Variants in TTC28 observed in about 807,000 individuals in gnomAD.
TTC28 encodes the protein tetratricopeptide repeat protein 28.
In TTC28, 61 loss-of-function variants were observed where a neutral mutation model predicts 198.0. The observed-to-expected ratio is 0.31, with a 90% CI of 0.25 to 0.38. TTC28 has a LOEUF of 0.38. TTC28 is among the 10% of genes least tolerant of loss of function. TTC28 has a pLI of 1.00. For synonymous variants in TTC28, 1,171 were observed against 1,297.8 expected (o/e 0.90, Z 2.10); for missense variants, 2,678 against 3,164.0 (o/e 0.85, Z 3.69).
At chr22:28,111,302 G>A (rs536580684) in intron 6 of TTC28, among the ~76,000 whole-genome samples, 1 of 152,216 alleles carries the variant, frequency 6.6e-6, no homozygotes, top group Admixed American at 6.5e-5. Flanking sequence ...CAGGATCCTT[G>A]CTGGAAGGAT....
At chr22:28,422,201 T>C (rs1481804743) in intron 2 of TTC28, among the ~76,000 whole-genome samples, 1 of 152,156 alleles carries the variant, frequency 6.6e-6, no homozygotes, top group African/African-American at 2.4e-5. Flanking sequence ...TTCAAAAACA[T>C]GGAAAGAAGG....
At chr22:28,663,453 G>A (rs1342376745) in intron 1 of TTC28, among the ~76,000 whole-genome samples, 1 of 145,414 alleles carries the variant, frequency 6.9e-6, no homozygotes, top group Non-Finnish European at 1.5e-5. Flanking sequence ...CCGTGCGCGA[G>A]CCGAAGCAGG....
At chr22:28,006,174 G>A (rs536113695) in intron 14 of TTC28, among the ~76,000 whole-genome samples, 270 of 152,266 alleles carry the variant, frequency 1.8e-3, no homozygotes, top group Non-Finnish European at 3.2e-3. Context: ...GATGGGAGGC[G>A]AGGGGTGAAA....
chr22:28,154,302 C>T (rs969761164), intron 6 of TTC28, among the ~76,000 whole-genome samples: 3 of 149,942 alleles, frequency 2.0e-5, no homozygotes, highest in Non-Finnish European at 3.0e-5. Context: ...TTGTTTTGAA[C>T]ATAAAAGAAA....
chr22:28,108,478 T>C (rs1942390598), intron 6 of TTC28, 75 bp from the exon 7 acceptor site: 1 of 1,275,054 alleles, frequency 7.8e-7, no homozygotes, highest in Non-Finnish European at 1.0e-6. Flanking sequence ...GTAATTTGCA[T>C]CTCAATTTAT....
chr22:27,996,215 A>T lies in TTC28; in HGVS notation c.5164T>A (p.Ser1722Thr), dbSNP rs1444370686. 6.4e-7 allele frequency: 1 copy of T among 1,551,128 alleles called. No homozygotes were observed. Residue 1722 changes from serine (S) to threonine (T), a missense_variant, in exon 17 of 23, where the codon TCA becomes ACA. Physicochemically the swap from Ser to Thr is moderately conservative, Grantham distance 58. Around this residue, in one of 8 missense-constraint regions of TTC28, gnomAD observed 314 missense variants for 442.7 expected, o/e 0.71. Transcript: ENST00000397906. ...TCTGTGAGGGCCTGGCCGATGAGTG[A>T]TGAGGGGCTGTTCAGCTTAACGTCA... Reference protein sequence around the residue: ...GSDVKLNSPSSLIGQALTEIL... With the variant: ...GSDVKLNSPSTLIGQALTEIL...
chr22:28,427,200 T>C (rs1186086247), intron 2 of TTC28, among the ~76,000 whole-genome samples: 3 of 152,238 alleles, frequency 2.0e-5, no homozygotes, highest in Non-Finnish European at 2.9e-5. Flanking sequence ...TTTTACTATG[T>C]CACATTTTAG....
chr22:28,132,957 C>T (rs1333899655), intron 6 of TTC28, among the ~76,000 whole-genome samples: 5 of 152,188 alleles, frequency 3.3e-5, no homozygotes, highest in Non-Finnish European at 7.3e-5. Context: ...GGCATGGTGG[C>T]TCACACCTGT....
chr22:28,307,441 C>T (rs1271865135), intron 2 of TTC28, among the ~76,000 whole-genome samples: 1 of 152,064 alleles, frequency 6.6e-6, no homozygotes, highest in African/African-American at 2.4e-5. Context: ...GACAGAGGGT[C>T]TCACTCTTTC....
At chr22:28,559,629 C>G (rs1046203493) in intron 2 of TTC28, among the ~76,000 whole-genome samples, 3 of 152,198 alleles carry the variant, frequency 2.0e-5, no homozygotes, top group Admixed American at 2.0e-4. Context: ...CATCCTATAA[C>G]CAAAGTGGTC....
At chr22:28,199,052 T>G (rs1356046534) in intron 5 of TTC28, among the ~76,000 whole-genome samples, 3 of 152,090 alleles carry the variant, frequency 2.0e-5, no homozygotes, top group African/African-American at 7.2e-5. Flanking sequence ...TTAATACAAC[T>G]GTATGTGCAA....
At position 28,591,850 on chromosome 22, in the gene TTC28, C is replaced by A. The variant is rs2050440950; in HGVS notation, c.381+37702G>T. The stretch of plus-strand genomic sequence containing the variant: ...ATTTCTAGGGATACACTATTTTGCT[C>A]TAAGAATTGTGGGAGTATTACATTC... On this transcript the variant is annotated intron_variant, in intron 2 of 22. Transcript: ENST00000397906. Among the ~76,000 whole-genome samples the A allele has an allele frequency of 2.0e-5, 3 of 151,988 alleles. No homozygotes were observed. The South Asian group carries it at 6.2e-4, about 32-fold the overall frequency.
chr22:28,433,642 T>C (rs1047152452), intron 2 of TTC28, among the ~76,000 whole-genome samples: 3 of 152,228 alleles, frequency 2.0e-5, no homozygotes, highest in African/African-American at 7.2e-5. Flanking sequence ...TATTTAAATA[T>C]GTATTAATTA....
intron 2 of TTC28, among the ~76,000 whole-genome samples, chr22:28,613,380 G>C (rs2050851753): frequency 6.6e-6 from 1 of 152,154 alleles, no homozygotes; most frequent in South Asian, 2.1e-4. Flanking sequence ...ACAAAGAGGA[G>C]CTGGTACCAT....
intron 2 of TTC28, among the ~76,000 whole-genome samples, chr22:28,620,295 A>T (rs924731715): frequency 3.2e-4 from 48 of 151,726 alleles, no homozygotes; most frequent in Non-Finnish European, 6.8e-4. Flanking sequence ...GGTGGCAGTG[A>T]GCTGAGTCTC....
At chr22:28,622,188 T>C (rs911373091) in intron 2 of TTC28, among the ~76,000 whole-genome samples, 9 of 152,178 alleles carry the variant, frequency 5.9e-5, no homozygotes, top group African/African-American at 2.2e-4. Context: ...AAAATAGTTT[T>C]TCTGGCCTGA....
At chr22:28,560,415 AATC>A (rs1194435916) in intron 2 of TTC28, among the ~76,000 whole-genome samples, 4 of 152,190 alleles carry the variant, frequency 2.6e-5, no homozygotes, top group Non-Finnish European at 5.9e-5. Context: ...AATGGCTTCT[AATC>A]ATATTTAAAA....
intron 15 of TTC28, 195 bp downstream of exon 15, chr22:28,001,179 G>T: frequency 1.6e-6 from 1 of 615,976 alleles, no homozygotes. Flanking sequence ...AGAATGGCCA[G>T]GGGTCATGAG....
At chr22:28,059,902 T>C (rs1017813784) in intron 12 of TTC28, among the ~76,000 whole-genome samples, 2 of 152,002 alleles carry the variant, frequency 1.3e-5, no homozygotes, top group Non-Finnish European at 2.9e-5. Flanking sequence ...GTTTACATGG[T>C]ATATCGTTTT....
Sources: gnomAD v4.1 joint callset for allele counts (sites outside exome capture counted in the v4.1 genomes callset) on GRCh38, gnomAD v4.1.1 for gene constraint, gnomAD v4.1.1 regional missense constraint, MANE v1.5 for transcripts, NCBI Gene and HGNC (gene_info 2026-07-23, HGNC 2026-07-21) for gene names.